RAB38: variants seen among roughly 807,000 people sequenced by gnomAD.
The protein encoded by RAB38 is RAB38, member RAS oncogene family, also known as ras-related protein Rab-38.
Under a neutral mutation model 18.4 loss-of-function variants are expected in RAB38, and 15 were observed. That is an observed-to-expected ratio of 0.82 (90% confidence interval 0.55 to 1.26). The LOEUF is 1.26. Among genes scored for constraint, RAB38 ranks in the 50% most tolerant of loss-of-function variants. The probability of loss-of-function intolerance (pLI) is 0.00; values close to 1 mark genes in which losing one functional copy is unlikely to be tolerated. For missense variants in RAB38, 294 were observed against 267.4 expected, an observed-to-expected ratio of 1.10 and a Z score of -0.69; for synonymous variants, 101 against 104.4, an observed-to-expected ratio of 0.97 and a Z score of 0.20.
At chr11:87,818,789 C>T in the RAB38 span, among the ~76,000 whole-genome samples, 3 of 151,440 alleles carry the variant, frequency 2.0e-5, no homozygotes, top group Admixed American at 2.0e-4. Flanking sequence ...TGTATATAAA[C>T]ACTTAGATAA....
chr11:88,133,089 C>T (rs903705558), intron 2 of RAB38, among the ~76,000 whole-genome samples: 1 of 152,100 alleles, frequency 6.6e-6, no homozygotes, highest in Non-Finnish European at 1.5e-5. Flanking sequence ...TCTGTTCAGT[C>T]TACATCTAGT....
chr11:88,028,448 T>G, the RAB38 span, among the ~76,000 whole-genome samples: 1 of 152,056 alleles, frequency 6.6e-6, no homozygotes, highest in Non-Finnish European at 1.5e-5. Context: ...AGGAGGAAAT[T>G]CAAACCAAAG....
chr11:87,842,893 T>TA, the RAB38 span, among the ~76,000 whole-genome samples: 1 of 151,980 alleles, frequency 6.6e-6, no homozygotes, highest in Non-Finnish European at 1.5e-5. Flanking sequence ...ACATTTTTTA[T>TA]AAAAGATGTG....
At chr11:87,805,602 ACT>A in the RAB38 span, among the ~76,000 whole-genome samples, 1 of 89,314 alleles carries the variant, frequency 1.1e-5, no homozygotes, top group South Asian at 4.8e-4. Flanking sequence ...CAGAGAAAAC[ACT>A]ACACACACAC....
At chr11:88,071,185 C>T in the RAB38 span, among the ~76,000 whole-genome samples, 9 of 151,888 alleles carry the variant, frequency 5.9e-5, no homozygotes, top group Non-Finnish European at 8.8e-5. Context: ...GGATACCTTA[C>T]CTGCTTTCCA....
chr11:87,838,190 C>T, the RAB38 span, among the ~76,000 whole-genome samples: 2 of 151,960 alleles, frequency 1.3e-5, no homozygotes, highest in African/African-American at 4.8e-5. Context: ...TCTCGGCTCA[C>T]TGCAAGCTCT....
chr11:88,041,867 C>T, the RAB38 span, among the ~76,000 whole-genome samples: 132 of 152,258 alleles, frequency 8.7e-4, no homozygotes, highest in Non-Finnish European at 1.2e-3. Flanking sequence ...GATACCTAAG[C>T]GCAGCCCACA....
the RAB38 span, among the ~76,000 whole-genome samples, chr11:88,047,212 C>T: frequency 6.6e-5 from 10 of 152,292 alleles, no homozygotes; most frequent in African/African-American, 2.4e-4. Context: ...TTGAGTCTCC[C>T]ACAATTACCA....
the RAB38 span, among the ~76,000 whole-genome samples, chr11:87,901,298 C>T: frequency 2.0e-5 from 3 of 151,404 alleles, no homozygotes; most frequent in African/African-American, 4.8e-5. Context: ...ATAGGGCAGG[C>T]GTATAATATG....
chr11:88,085,568 G>A, the RAB38 span, among the ~76,000 whole-genome samples: 1 of 151,744 alleles, frequency 6.6e-6, no homozygotes, highest in Non-Finnish European at 1.5e-5. Flanking sequence ...CACTAACTAT[G>A]AGTTATATTT....
chr11:88,089,230 T>A, the RAB38 span, among the ~76,000 whole-genome samples: 3 of 151,674 alleles, frequency 2.0e-5, no homozygotes, highest in Non-Finnish European at 4.4e-5. Context: ...TCTCTCTTGT[T>A]GGGCAACCCT....
chr11:88,024,856 G>A, the RAB38 span, among the ~76,000 whole-genome samples: 1 of 152,048 alleles, frequency 6.6e-6, no homozygotes, highest in Admixed American at 6.6e-5. Flanking sequence ...GGTTGGCAGA[G>A]AATGGGAAAG....
chr11:88,149,801 C>G lies in RAB38; in HGVS notation c.357G>C (p.Pro119=), dbSNP rs780468403. ...DSKLSLPNGK[P]VSVVLLANKC... ...TGTTGGCCAACAAAACCACTGAAAC[C>G]GGTTTGCCATTAGGGAGACTTAACT... is the stretch of plus-strand genomic sequence containing the variant. Residue 119 remains proline, a synonymous_variant, in exon 2 of 3, where the codon CCG becomes CCC. Coordinates refer to ENST00000243662, the MANE Select transcript of RAB38 (RefSeq NM_022337.3). 4.3e-6 allele frequency: 7 copies of G among 1,614,074 alleles called. No homozygotes were observed. In the South Asian group the frequency reaches 4.4e-5, roughly 10 times the overall value.
the RAB38 span, among the ~76,000 whole-genome samples, chr11:87,916,342 G>A: frequency 6.6e-6 from 1 of 152,064 alleles, no homozygotes; most frequent in African/African-American, 2.4e-5. Flanking sequence ...GAATCATGGG[G>A]GCAGATACTT....
At chr11:88,144,120 T>C (rs1020583668) in intron 2 of RAB38, among the ~76,000 whole-genome samples, 8 of 152,342 alleles carry the variant, frequency 5.3e-5, no homozygotes, top group African/African-American at 1.9e-4. Context: ...GAAATCACTA[T>C]TAAACACAGC....
chr11:87,885,323 C>T, the RAB38 span, among the ~76,000 whole-genome samples: 1 of 144,786 alleles, frequency 6.9e-6, no homozygotes, highest in Admixed American at 6.9e-5. Flanking sequence ...ACTTACCACC[C>T]TGAATATTCC....
chr11:88,010,708 G>C, the RAB38 span, among the ~76,000 whole-genome samples: 1 of 152,090 alleles, frequency 6.6e-6, no homozygotes. Flanking sequence ...TAATTCTCAC[G>C]ATAATCCTGC....
the RAB38 span, among the ~76,000 whole-genome samples, chr11:87,962,389 A>G: frequency 1.3e-5 from 2 of 152,178 alleles, no homozygotes; most frequent in Non-Finnish European, 2.9e-5. Flanking sequence ...GCCAGGCACA[A>G]AAGGACAAAT....
intron 1 of RAB38, chr11:88,167,650 A>G (rs1943260911): frequency 6.6e-6 from 1 of 152,204 alleles, no homozygotes; most frequent in Admixed American, 6.5e-5. Context: ...AATGAAAGGA[A>G]GGAGAGAACA....
Sources: gnomAD v4.1 joint callset for allele counts (sites outside exome capture counted in the v4.1 genomes callset) on GRCh38, gnomAD v4.1.1 for gene constraint, MANE v1.5 for transcripts, NCBI Gene and HGNC (gene_info 2026-07-23, HGNC 2026-07-21) for gene names.